The following LRRIQ1 variants were observed in gnomAD, a reference collection of about 807,000 sequenced individuals.
The protein encoded by LRRIQ1 is leucine-rich repeat- and IQ domain-containing protein 1.
LRRIQ1 carries 210 observed loss-of-function variants against 211.9 expected under a neutral mutation model. The ratio of observed to expected loss-of-function variants is 0.99; its 90% CI spans 0.89 to 1.11. The LOEUF (loss-of-function observed/expected upper bound fraction) is 1.11, where lower values mean the gene tolerates loss of function less well. Among genes scored for constraint, LRRIQ1 ranks in the 50% most tolerant of loss-of-function variants. The probability of loss-of-function intolerance (pLI) is 0.00; values close to 1 mark genes in which losing one functional copy is unlikely to be tolerated. For missense variants in LRRIQ1, 2,136 were observed against 1,939.5 expected, an observed-to-expected ratio of 1.10 and a Z score of -1.90; for synonymous variants, 699 against 650.1, an observed-to-expected ratio of 1.08 and a Z score of -1.14.
intron 11 of LRRIQ1, among the ~76,000 whole-genome samples, chr12:85,075,999 A>G (rs911847785): frequency 8.5e-5 from 13 of 152,136 alleles, no homozygotes; most frequent in African/African-American, 2.4e-4. Context: ...TAATTTTTAA[A>G]TTACCTTATT....
At chr12:85,235,441 G>T (rs1895131721) in intron 26 of LRRIQ1, among the ~76,000 whole-genome samples, 1 of 152,160 alleles carries the variant, frequency 6.6e-6, no homozygotes, top group South Asian at 2.1e-4. Flanking sequence ...GGAAAATGGT[G>T]ACCTTCAATA....
intron 16 of LRRIQ1, among the ~76,000 whole-genome samples, chr12:85,123,109 T>G (rs867204586): frequency 1.5e-4 from 20 of 136,840 alleles, no homozygotes; most frequent in African/African-American, 5.9e-4. Flanking sequence ...TTTTTTTGCA[T>G]TATTAGCCAA....
intron 1 of LRRIQ1, among the ~76,000 whole-genome samples, chr12:85,262,625 T>C (rs1896330412): frequency 6.6e-6 from 1 of 152,094 alleles, no homozygotes; most frequent in Non-Finnish European, 1.5e-5. Context: ...TATCATTTTA[T>C]AGTTGTGAAA....
intron 25 of LRRIQ1, among the ~76,000 whole-genome samples, chr12:85,229,862 T>C (rs1210777566): frequency 1.3e-5 from 2 of 152,230 alleles, no homozygotes; most frequent in African/African-American, 4.8e-5. Flanking sequence ...TATTCTGTAA[T>C]ACTTGAAACC....
chr12:85,088,692 T>G (rs1429201899), intron 11 of LRRIQ1, among the ~76,000 whole-genome samples: 1 of 152,196 alleles, frequency 6.6e-6, no homozygotes, highest in Non-Finnish European at 1.5e-5. Context: ...CTAGGTATTT[T>G]ATTCTCTTTG....
intron 24 of LRRIQ1, among the ~76,000 whole-genome samples, chr12:85,223,657 A>G (rs1216997139): frequency 6.6e-6 from 1 of 152,176 alleles, no homozygotes; most frequent in Non-Finnish European, 1.5e-5. Flanking sequence ...ATATAAATCT[A>G]TGCCTACAGA....
intron 24 of LRRIQ1, among the ~76,000 whole-genome samples, chr12:85,169,077 A>G (rs1194740226): frequency 1.3e-5 from 2 of 152,172 alleles, no homozygotes; most frequent in Non-Finnish European, 2.9e-5. Context: ...TATCATTTGT[A>G]CAAGGCACTG....
At chr12:85,093,326 G>A (rs976806111) in intron 11 of LRRIQ1, among the ~76,000 whole-genome samples, 1 of 152,176 alleles carries the variant, frequency 6.6e-6, no homozygotes, top group Non-Finnish European at 1.5e-5. Flanking sequence ...TGGAAGTTAT[G>A]CATGGTGGCA....
intron 18 of LRRIQ1, among the ~76,000 whole-genome samples, chr12:85,137,558 C>T (rs544161978): frequency 6.6e-6 from 1 of 151,560 alleles, no homozygotes; most frequent in African/African-American, 2.4e-5. Context: ...AGAATGGGTC[C>T]TGGAGGAATT....
chr12:85,248,787 A>G (rs531793872), downstream of LRRIQ1, among the ~76,000 whole-genome samples: 10 of 151,930 alleles, frequency 6.6e-5, no homozygotes, highest in East Asian at 1.9e-3. Flanking sequence ...TTGGGATTTA[A>G]GTAAGGAAAG....
intron 10 of LRRIQ1, 105 bp downstream of exon 10, chr12:85,067,003 T>TCATA (rs1882509776): frequency 1.1e-5 from 6 of 543,546 alleles, no homozygotes; most frequent in Non-Finnish European, 1.8e-5. Flanking sequence ...TCTGCATATT[T>TCATA]TATTTATGTT....
chr12:85,228,156 G>A (rs12827555), intron 24 of LRRIQ1, among the ~76,000 whole-genome samples: 20,135 of 152,154 alleles, frequency 0.13, 1,816 homozygotes, highest in Middle Eastern at 0.2. Context: ...GGCAACAAAA[G>A]CCAAAATTGA....
chr12:85,127,796 A>G (rs761898890), intron 17 of LRRIQ1, 36 bp from the exon 18 acceptor site: 4 of 1,568,460 alleles, frequency 2.6e-6, no homozygotes, highest in Non-Finnish European at 3.5e-6. Flanking sequence ...TACAGATAAT[A>G]AAAAAAGTGT....
chr12:85,170,443 T>C (rs920819227), intron 24 of LRRIQ1, among the ~76,000 whole-genome samples: 9 of 150,790 alleles, frequency 6.0e-5, no homozygotes, highest in African/African-American at 2.2e-4. Flanking sequence ...ATACAAAAAA[T>C]TGTATATGCA....
rs142259310 is a variant in LRRIQ1 at position 85,126,383 on chromosome 12, A to C, written c.4008-1449A>C. Among the ~76,000 whole-genome samples the C allele has an allele frequency of 3.3e-5, 5 of 152,200 alleles. No homozygotes were observed. The East Asian group carries it at 9.7e-4, about 29-fold the overall frequency. On this transcript the variant is annotated intron_variant, in intron 17 of 26. Coordinates refer to ENST00000393217, the MANE Select transcript of LRRIQ1 (RefSeq NM_001079910.2). ...TGATGTGTTTTCCCATAAGCCTTTTAATTTTTACTGGTTACATATTACAAA... is the reference window on the plus strand; with the variant it reads ...TGATGTGTTTTCCCATAAGCCTTTTCATTTTTACTGGTTACATATTACAAA...
At chr12:85,268,900 T>G (rs906336903), downstream of LRRIQ1, among the ~76,000 whole-genome samples, 9 of 151,972 alleles carry the variant, frequency 5.9e-5, no homozygotes, top group African/African-American at 1.9e-4. Flanking sequence ...TATAAGGAAC[T>G]TATAGTTTAG....
chr12:85,098,162 C>T (rs1042940901), intron 11 of LRRIQ1, among the ~76,000 whole-genome samples, 193 bp from the exon 12 acceptor site: 5 of 152,070 alleles, frequency 3.3e-5, no homozygotes, highest in Middle Eastern at 3.2e-3. Flanking sequence ...AAAAATATGT[C>T]ACCCAGATGC....
intron 7 of LRRIQ1, among the ~76,000 whole-genome samples, chr12:85,054,015 ATGACT>A (rs1565789418): frequency 6.6e-6 from 1 of 152,228 alleles, no homozygotes; most frequent in Non-Finnish European, 1.5e-5. Flanking sequence ...ATGTAAAGAT[ATGACT>A]TTGTTGCATA....
chr12:85,077,363 A>G (rs1565812476), intron 11 of LRRIQ1, among the ~76,000 whole-genome samples: 1 of 152,212 alleles, frequency 6.6e-6, no homozygotes, highest in East Asian at 1.9e-4. Context: ...TGTGAGATCT[A>G]GGAAACTTTA....
Sources: gnomAD v4.1 joint callset for allele counts (sites outside exome capture counted in the v4.1 genomes callset) on GRCh38, gnomAD v4.1.1 for gene constraint, MANE v1.5 for transcripts, NCBI Gene and HGNC (gene_info 2026-07-23, HGNC 2026-07-21) for gene names.